Variants in MAP2 observed in about 807,000 individuals in gnomAD.
MAP2 encodes the protein microtubule associated protein 2, also known as microtubule-associated protein 2.
In MAP2, 14 loss-of-function variants were observed where a neutral mutation model predicts 137.6. The observed-to-expected ratio is 0.10, with a 90% CI of 0.07 to 0.16. The LOEUF (loss-of-function observed/expected upper bound fraction) is 0.16. MAP2 is among the 10% of genes least tolerant of loss of function. The pLI is 1.00. For synonymous variants in MAP2, 786 were observed against 782.3 expected, an observed-to-expected ratio of 1.00 and a Z score of -0.08; for missense variants, 2,088 against 2,191.5, an observed-to-expected ratio of 0.95 and a Z score of 0.94.
chr2:209,603,403 A>T (rs963906854), intron 3 of MAP2, among the ~76,000 whole-genome samples: 2 of 152,298 alleles, frequency 1.3e-5, no homozygotes, highest in East Asian at 3.9e-4. Flanking sequence ...TTTGATGTAG[A>T]AACTTCGGCG....
chr2:209,717,571 T>C (rs2068222720), intron 13 of MAP2, among the ~76,000 whole-genome samples: 1 of 152,216 alleles, frequency 6.6e-6, no homozygotes. Flanking sequence ...TAATAAATTA[T>C]AGTGAAACAG....
chr2:209,443,193 T>C (rs1201530567), intron 1 of MAP2, among the ~76,000 whole-genome samples: 1 of 150,762 alleles, frequency 6.6e-6, no homozygotes, highest in Non-Finnish European at 1.5e-5. Flanking sequence ...CACACATTAC[T>C]TGCTCTGTTC....
At chr2:209,489,582 T>A (rs1341080179) in intron 1 of MAP2, among the ~76,000 whole-genome samples, 2 of 151,982 alleles carry the variant, frequency 1.3e-5, no homozygotes, top group Non-Finnish European at 2.9e-5. Flanking sequence ...AATAACCAGT[T>A]TAGAGAAGAA....
intron 4 of MAP2, among the ~76,000 whole-genome samples, chr2:209,637,314 G>A (rs1216942269): frequency 6.6e-6 from 1 of 151,924 alleles, no homozygotes; most frequent in Non-Finnish European, 1.5e-5. Flanking sequence ...GTGGTGGCAG[G>A]CACCTGTAAT....
At chr2:209,690,873 G>A in intron 7 of MAP2, 2 of 1,251,578 alleles carry the variant, frequency 1.6e-6, no homozygotes, top group Non-Finnish European at 2.1e-6. Context: ...GGATTTGCAT[G>A]TGTTTTGTTG....
In MAP2 at chr2:209,696,237, G is replaced by T. The variant is rs754124367; in HGVS notation, c.4067G>T (p.Arg1356Ile). The change falls in exon 8 of 16, where the codon AGA becomes ATA. Residue 1356 changes from arginine (R) to isoleucine (I), a missense_variant. This residue lies in a region of MAP2 where 591 missense variants were observed against 642.6 expected (regional missense o/e 0.92). Coordinates refer to ENST00000682079, the MANE Select transcript of MAP2 (RefSeq NM_001375505.1). The stretch of plus-strand genomic sequence containing the variant: ...CCAGAGGCTCCAGCTTCCCCTGAGA[G>T]AGAAGAGGTTGCACTTTCTGAATAT... ...GSPEAPASPE[R>I]EEVALSEYKT... 8 of 1,613,504 alleles carry T rather than the reference G, an allele frequency of 5.0e-6. No individual in the cohort carries two copies. The East Asian group carries it at 1.6e-4, about 31-fold the overall frequency.
chr2:209,730,568 G>T lies in MAP2; in HGVS notation c.*171G>T. The T allele has an allele frequency of 1.7e-6, 1 of 601,424 alleles. No homozygotes were observed. The highest frequency in any genetic ancestry group is 2.8e-5 in the East Asian group (1 of 35,480). The allele number at this position is 601,424 out of a possible 1,614,324, so 37.3% of individuals were successfully genotyped here. A position where few individuals can be genotyped will look rare whatever the true frequency, so the allele number is the denominator to read the frequency against. On this transcript the variant is annotated 3_prime_UTR_variant, in exon 16 of 16. Transcript: ENST00000682079. ...ATTTAAAAAATGAATAGTACATGCAGAAATTGACCTGATTTCCATTTGCAA... is the reference window on the plus strand; with the variant it reads ...ATTTAAAAAATGAATAGTACATGCATAAATTGACCTGATTTCCATTTGCAA...
At chr2:209,434,878 ATATATGT>A (rs1395249417) in intron 1 of MAP2, among the ~76,000 whole-genome samples, 3 of 54,518 alleles carry the variant, frequency 5.5e-5, no homozygotes, top group Admixed American at 3.6e-4. Context: ...TATATGTTAT[ATATATGT>A]TATATATATG....
At chr2:209,705,544 C>T in intron 11 of MAP2, 36 bp from the exon 12 acceptor site, 2 of 1,535,750 alleles carry the variant, frequency 1.3e-6, no homozygotes, top group Non-Finnish European at 1.8e-6. Flanking sequence ...TAAAGAGTTA[C>T]AAGAACCCAA....
intron 11 of MAP2, chr2:209,704,068 G>A (rs1294785489): frequency 4.4e-6 from 2 of 454,194 alleles, no homozygotes; most frequent in East Asian, 6.9e-5. Context: ...CATCCAAATA[G>A]TGAACATAGT....
At chr2:209,704,345 TA>T in intron 11 of MAP2, 1 of 914,200 alleles carries the variant, frequency 1.1e-6, no homozygotes, top group Non-Finnish European at 1.6e-6. Context: ...GTGTTCTTAT[TA>T]AAAAGACTTT....
intron 2 of MAP2, among the ~76,000 whole-genome samples, chr2:209,513,751 C>T (rs183295495): frequency 5.3e-5 from 8 of 152,160 alleles, no homozygotes; most frequent in Admixed American, 4.6e-4. Flanking sequence ...GGATGTCAGG[C>T]TGTCAAAATG....
At chr2:209,470,646 C>T (rs1316612654) in intron 1 of MAP2, among the ~76,000 whole-genome samples, 1 of 152,048 alleles carries the variant, frequency 6.6e-6, no homozygotes, top group African/African-American at 2.4e-5. Context: ...CATTAACAGC[C>T]ACTGCCCCTG....
chr2:209,608,253 G>A (rs1299811388), intron 3 of MAP2, among the ~76,000 whole-genome samples: 3 of 151,888 alleles, frequency 2.0e-5, no homozygotes, highest in Non-Finnish European at 4.4e-5. Context: ...ACATATATAA[G>A]AGGATATTAT....
chr2:209,533,923 CAAG>C (rs1006347687), intron 2 of MAP2, among the ~76,000 whole-genome samples: 23 of 152,090 alleles, frequency 1.5e-4, no homozygotes, highest in African/African-American at 5.1e-4. Flanking sequence ...TTTATTAACA[CAAG>C]GAGAGTGAGA....
At chr2:209,525,964 C>T (rs2063978400) in intron 2 of MAP2, among the ~76,000 whole-genome samples, 1 of 151,900 alleles carries the variant, frequency 6.6e-6, no homozygotes, top group Non-Finnish European at 1.5e-5. Context: ...TTTATTTTCC[C>T]CCATTACATT....
intron 2 of MAP2, among the ~76,000 whole-genome samples, chr2:209,572,906 T>C (rs1258677466): frequency 6.6e-6 from 1 of 152,218 alleles, no homozygotes; most frequent in African/African-American, 2.4e-5. Flanking sequence ...TCCTGACCAG[T>C]TGTTCTTTAT....
intron 1 of MAP2, among the ~76,000 whole-genome samples, chr2:209,426,457 T>C (rs1453599877): frequency 6.6e-6 from 1 of 152,200 alleles, no homozygotes; most frequent in Admixed American, 6.5e-5. Flanking sequence ...TTCAAGAATT[T>C]TGAATTTAGG....
At chr2:209,638,095 C>T (rs1318384367) in intron 4 of MAP2, among the ~76,000 whole-genome samples, 1 of 152,108 alleles carries the variant, frequency 6.6e-6, no homozygotes, top group Non-Finnish European at 1.5e-5. Flanking sequence ...TTTTTAACGT[C>T]TCATAAATGT....
Sources: gnomAD v4.1 joint callset for allele counts (sites outside exome capture counted in the v4.1 genomes callset) on GRCh38, gnomAD v4.1.1 for gene constraint, gnomAD v4.1.1 regional missense constraint, MANE v1.5 for transcripts, NCBI Gene and HGNC (gene_info 2026-07-23, HGNC 2026-07-21) for gene names.